Variants in MSI2 observed in about 807,000 individuals in gnomAD.
MSI2 encodes RNA-binding protein Musashi homolog 2.
In MSI2, 17 loss-of-function variants were observed where a neutral mutation model predicts 45.6. That is an observed-to-expected ratio of 0.37 (90% confidence interval 0.26 to 0.56). MSI2 has a LOEUF of 0.56. Among genes scored for constraint, MSI2 ranks in the 20% least tolerant of loss-of-function variants. The probability of loss-of-function intolerance (pLI) is 0.77; values close to 1 mark genes in which losing one functional copy is unlikely to be tolerated. For missense variants in MSI2, 293 were observed against 444.2 expected, an observed-to-expected ratio of 0.66 and a Z score of 3.06; for synonymous variants, 156 against 158.2, an observed-to-expected ratio of 0.99 and a Z score of 0.11.
chr17:57,291,454 T>G (rs1171712487), intron 5 of MSI2, among the ~76,000 whole-genome samples: 1 of 152,168 alleles, frequency 6.6e-6, no homozygotes, highest in Non-Finnish European at 1.5e-5. Flanking sequence ...AAATTAAAGT[T>G]GATTTATTGC....
intron 11 of MSI2, among the ~76,000 whole-genome samples, chr17:57,667,849 C>T (rs1487100823): frequency 6.6e-6 from 1 of 152,210 alleles, no homozygotes; most frequent in Non-Finnish European, 1.5e-5. Flanking sequence ...ACCCACCCAG[C>T]CTGGCCTTGG....
Position 57,256,768 on chromosome 17 carries a change from C to A in MSI2, c.26C>A (p.Thr9Asn). 3 of 1,477,880 alleles carry A rather than the reference C, an allele frequency of 2.0e-6. No individual in the cohort carries two copies. Among genetic ancestry groups the A allele is most frequent in the African/African-American group, 1.5e-5 (1 of 67,704 alleles). 91.5% of individuals were successfully genotyped at this position (1,477,880 alleles called of 1,614,324 possible). A position where few individuals can be genotyped will look rare whatever the true frequency, so the allele number is the denominator to read the frequency against. Reference protein sequence around the residue: MEANGSQGTSGSANDSQHD... With the variant: MEANGSQGNSGSANDSQHD... Reference sequence around the variant, plus strand: ...ATGGAGGCAAATGGGAGCCAAGGCACCTCGGGCAGCGCCAACGACTCCCAG... The same window carrying A: ...ATGGAGGCAAATGGGAGCCAAGGCAACTCGGGCAGCGCCAACGACTCCCAG... The change falls in exon 1 of 14, where the codon ACC becomes AAC. Residue 9 changes from threonine (T) to asparagine (N), a missense_variant. By Grantham distance (65) the Thr-to-Asn change is moderately conservative (BLOSUM62 0). Coordinates refer to ENST00000284073, the MANE Select transcript of MSI2 (RefSeq NM_138962.4).
chr17:57,647,080 TA>T (rs937337451), intron 10 of MSI2, among the ~76,000 whole-genome samples: 5 of 152,080 alleles, frequency 3.3e-5, no homozygotes, highest in Admixed American at 3.3e-4. Flanking sequence ...TTAACTCCAC[TA>T]AAATGATGCT....
intron 5 of MSI2, among the ~76,000 whole-genome samples, chr17:57,355,006 C>A (rs1233353476): frequency 6.6e-6 from 1 of 152,170 alleles, no homozygotes; most frequent in African/African-American, 2.4e-5. Flanking sequence ...AAGTCAGGAT[C>A]CTTCTGGTTT....
rs146655364 is a variant in MSI2, at chr17:57,285,925, T to G, written c.312+23733T>G. 70 of 1,534,352 alleles carry G rather than the reference T, an allele frequency of 4.6e-5. No individual in the cohort carries two copies. The African/African-American group carries it at 8.6e-4, about 19-fold the overall frequency. On this transcript the variant is annotated intron_variant, in intron 5 of 13. Coordinates refer to ENST00000284073, the MANE Select transcript of MSI2 (RefSeq NM_138962.4). ...TTAAGAAAGTACTAAAGAATACGTC[T>G]TATCACGTGAATCAGTATCTTTTTA...
intron 8 of MSI2, among the ~76,000 whole-genome samples, chr17:57,604,792 C>T (rs1906341559): frequency 6.6e-6 from 1 of 152,110 alleles, no homozygotes; most frequent in Non-Finnish European, 1.5e-5. Context: ...GGTGCTGTGA[C>T]CAGCCCATCC....
intron 5 of MSI2, among the ~76,000 whole-genome samples, chr17:57,377,001 A>G (rs2083509531): frequency 6.6e-6 from 1 of 151,702 alleles, no homozygotes; most frequent in Non-Finnish European, 1.5e-5. Flanking sequence ...GCTCACTGCA[A>G]GCTCCGCCTC....
At chr17:57,314,385 G>A (rs545363966) in intron 5 of MSI2, among the ~76,000 whole-genome samples, 6 of 152,182 alleles carry the variant, frequency 3.9e-5, no homozygotes, top group African/African-American at 1.2e-4. Context: ...TGGAGTAATT[G>A]TGGAAAGGGG....
At position 57,464,373 on chromosome 17, in the gene MSI2, G is replaced by T. The variant is rs188696567; in HGVS notation, c.405+62902G>T. 2.3e-3 allele frequency among the ~76,000 whole-genome samples: 347 copies of T among 152,126 alleles called. 2 individuals are homozygous for T. Among genetic ancestry groups the T allele is most frequent in the African/African-American group, 8.1e-3 (336 of 41,538 alleles). Reference sequence around the variant, plus strand: ...GCAGGAGGATCACTTGAGCCTGGGAGGTCAAGGCTGCAGTGAGCCATGATT... The same window carrying T: ...GCAGGAGGATCACTTGAGCCTGGGATGTCAAGGCTGCAGTGAGCCATGATT... On this transcript the variant is annotated intron_variant, in intron 6 of 13. Coordinates refer to ENST00000284073, the MANE Select transcript of MSI2 (RefSeq NM_138962.4).
chr17:57,594,054 G>C (rs543223986), intron 7 of MSI2, among the ~76,000 whole-genome samples: 1 of 152,232 alleles, frequency 6.6e-6, no homozygotes, highest in Non-Finnish European at 1.5e-5. Flanking sequence ...TTAGCAAGAT[G>C]CTCAGACCCT....
At chr17:57,650,749 C>A (rs543649181) in intron 10 of MSI2, among the ~76,000 whole-genome samples, 5 of 152,328 alleles carry the variant, frequency 3.3e-5, no homozygotes, top group African/African-American at 1.2e-4. Context: ...CTTTGAACTT[C>A]TTTCCCTTCA....
At chr17:57,256,337 G>T (rs1286501685), upstream of MSI2, among the ~76,000 whole-genome samples, 1 of 151,466 alleles carries the variant, frequency 6.6e-6, no homozygotes, top group South Asian at 2.1e-4. Flanking sequence ...GTGGGGGGCC[G>T]AGTGTGCGCG....
At chr17:57,283,362 C>T (rs1275264716) in intron 5 of MSI2, among the ~76,000 whole-genome samples, 1 of 152,148 alleles carries the variant, frequency 6.6e-6, no homozygotes, top group Non-Finnish European at 1.5e-5. Context: ...CCAGAAGTCC[C>T]TTTGTATCGC....
intron 6 of MSI2, among the ~76,000 whole-genome samples, chr17:57,517,878 G>A (rs975257909): frequency 2.0e-5 from 3 of 152,174 alleles, no homozygotes; most frequent in African/African-American, 7.2e-5. Context: ...AGAAAGAGAT[G>A]GTGGGGGATG....
At chr17:57,265,802 A>G (rs1907717329) in intron 5 of MSI2, 1 of 152,226 alleles carries the variant, frequency 6.6e-6, no homozygotes, top group Non-Finnish European at 1.5e-5. Flanking sequence ...AAAAATTAAA[A>G]TGGTCATGCT....
At chr17:57,651,789 A>G (rs1911169171) in intron 10 of MSI2, among the ~76,000 whole-genome samples, 1 of 152,232 alleles carries the variant, frequency 6.6e-6, no homozygotes, top group African/African-American at 2.4e-5. Context: ...ATGCACGGCC[A>G]ACAGGGAGCT....
downstream of MSI2, among the ~76,000 whole-genome samples, chr17:57,687,017 A>C (rs1913898388): frequency 1.4e-5 from 2 of 145,164 alleles, no homozygotes; most frequent in African/African-American, 4.9e-5. Flanking sequence ...CCCCCCCCCA[A>C]AAAATTTTAG....
At chr17:57,277,338 A>G (rs1478752570) in intron 5 of MSI2, among the ~76,000 whole-genome samples, 1 of 152,116 alleles carries the variant, frequency 6.6e-6, no homozygotes, top group Non-Finnish European at 1.5e-5. Flanking sequence ...GATTATAGGC[A>G]TGAGCCACCG....
In MSI2 at chr17:57,552,870, C is replaced by A. The variant is rs1251978699; in HGVS notation, c.454+23146C>A. ...ATATAAACAACCCGGAAATCACTGCCCCTAGAATTCACAGAGTGGAAGAAC... is the reference window on the plus strand; with the variant it reads ...ATATAAACAACCCGGAAATCACTGCACCTAGAATTCACAGAGTGGAAGAAC... On this transcript the variant is annotated intron_variant, in intron 7 of 13. Coordinates refer to ENST00000284073, the MANE Select transcript of MSI2 (RefSeq NM_138962.4). This position sits in a 1 kb window ranked among gnomAD's most constrained non-coding sequence, Gnocchi z 4.3. 6.6e-6 allele frequency among the ~76,000 whole-genome samples: 1 copy of A among 152,088 alleles called. No individual in the cohort carries two copies. The highest frequency in any genetic ancestry group is 6.6e-5 in the Admixed American group (1 of 15,264).
Sources: gnomAD v4.1 joint callset for allele counts (sites outside exome capture counted in the v4.1 genomes callset) on GRCh38, gnomAD v4.1.1 for gene constraint, Gnocchi (gnomAD v3.1) non-coding constraint, MANE v1.5 for transcripts, NCBI Gene and HGNC (gene_info 2026-07-23, HGNC 2026-07-21) for gene names.